BEST3: variants seen among roughly 807,000 people sequenced by gnomAD.
BEST3 encodes the protein bestrophin-3.
Under a neutral mutation model 47.1 loss-of-function variants are expected in BEST3, and 50 were observed. The ratio of observed to expected loss-of-function variants is 1.06; its 90% CI spans 0.85 to 1.34. The LOEUF (loss-of-function observed/expected upper bound fraction) is 1.34. Among genes scored for constraint, BEST3 ranks in the 40% most tolerant of loss-of-function variants. BEST3 has a pLI of 0.00. For synonymous variants in BEST3, 282 were observed against 298.8 expected, an observed-to-expected ratio of 0.94 and a Z score of 0.58; for missense variants, 765 against 817.0, an observed-to-expected ratio of 0.94 and a Z score of 0.78.
At chr12:69,648,738 C>T (rs1883117877), downstream of BEST3, among the ~76,000 whole-genome samples, 1 of 152,118 alleles carries the variant, frequency 6.6e-6, no homozygotes, top group Non-Finnish European at 1.5e-5. Context: ...TTCACCAATT[C>T]CTTGATGTTA....
chr12:69,650,878 T>C (rs1335973797), downstream of BEST3, among the ~76,000 whole-genome samples: 1 of 151,198 alleles, frequency 6.6e-6, no homozygotes, highest in Non-Finnish European at 1.5e-5. Flanking sequence ...GGGAAGCATA[T>C]GAAAGGAAAA....
chr12:69,682,109 C>G (rs1330965509), intron 4 of BEST3, among the ~76,000 whole-genome samples: 1 of 135,122 alleles, frequency 7.4e-6, no homozygotes, highest in African/African-American at 2.7e-5. Flanking sequence ...GAAGAAAATA[C>G]CAATGGCTGG....
intron 9 of BEST3, among the ~76,000 whole-genome samples, chr12:69,647,947 GA>G (rs1211189030): frequency 1.3e-5 from 2 of 152,186 alleles, no homozygotes; most frequent in African/African-American, 4.8e-5. Flanking sequence ...CAAAGAAGTT[GA>G]AAAGGCAATT....
chr12:69,649,645 A>G (rs1883148354), downstream of BEST3, among the ~76,000 whole-genome samples: 1 of 152,150 alleles, frequency 6.6e-6, no homozygotes, highest in African/African-American at 2.4e-5. Flanking sequence ...AACTTGGTAT[A>G]TTGGGCCAAA....
At chr12:69,678,914 C>G in intron 4 of BEST3, 21 bp from the exon 5 acceptor site, 1 of 1,599,704 alleles carries the variant, frequency 6.3e-7, no homozygotes, top group Non-Finnish European at 8.5e-7. Context: ...AAATAAAAAT[C>G]GGTAGGTATA....
chr12:69,667,516 G>A (rs752396917), intron 9 of BEST3, among the ~76,000 whole-genome samples: 2 of 152,074 alleles, frequency 1.3e-5, no homozygotes, highest in East Asian at 1.9e-4. Context: ...GGCTGGTCTC[G>A]AACTGCTGAC....
intron 4 of BEST3, among the ~76,000 whole-genome samples, chr12:69,682,129 C>T (rs1293315126): frequency 6.7e-6 from 1 of 149,502 alleles, no homozygotes; most frequent in Non-Finnish European, 1.5e-5. Context: ...GGTCTTATAT[C>T]CTTAGAGATT....
chr12:69,693,727 A>C lies in BEST3; in HGVS notation c.428T>G (p.Val143Gly). Residue 143 changes from valine (V) to glycine (G), a missense_variant, in exon 4 of 10, where the codon GTG becomes GGG. By Grantham distance (109) the Val-to-Gly change is moderately radical. Transcript: ENST00000330891. Reference sequence around the variant, plus strand: ...AAATCTTTTGTACACAGCAGTGCTCACCGAGCGAAAGATGAGCAGGGAGGT... The same window carrying C: ...AAATCTTTTGTACACAGCAGTGCTCCCCGAGCGAAAGATGAGCAGGGAGGT... ...NLTSLLIFRS[V>G]STAVYKRFPT... is the part of the protein sequence containing the mutation. 1 of 1,614,212 alleles carries C rather than the reference A, an allele frequency of 6.2e-7. No individual in the cohort carries two copies. The highest frequency in any genetic ancestry group is 2.2e-5 in the East Asian group (1 of 44,882).
intron 9 of BEST3, among the ~76,000 whole-genome samples, chr12:69,659,499 G>A (rs1230606555): frequency 2.6e-5 from 4 of 152,044 alleles, no homozygotes; most frequent in East Asian, 1.9e-4. Flanking sequence ...GACCGTGGGC[G>A]TGCACCACCA....
intron 7 of BEST3, among the ~76,000 whole-genome samples, chr12:69,676,527 A>G (rs1287675482): frequency 6.6e-6 from 1 of 152,176 alleles, no homozygotes; most frequent in Admixed American, 6.5e-5. Context: ...ATTCTACTAC[A>G]ATATTAATGG....
chr12:69,648,835 T>C (rs566713075), downstream of BEST3, among the ~76,000 whole-genome samples: 196 of 152,266 alleles, frequency 1.3e-3, no homozygotes, highest in African/African-American at 4.6e-3. Context: ...TGTAACTATT[T>C]TCTACAAAAA....
chr12:69,654,208 A>G lies in BEST3; in HGVS notation c.*699T>C. On this transcript the variant is annotated 3_prime_UTR_variant, in exon 10 of 10. Transcript: ENST00000330891. ...AGATTTGGCAAGAGGAAATATTATA[A>G]CCTGAAAAATGGGACAGATTACTAG... The G allele has an allele frequency of 1.0e-6, 1 of 985,254 alleles. No individual in the cohort carries two copies. The highest frequency in any genetic ancestry group is 1.2e-6 in the Non-Finnish European group (1 of 829,784). The allele number at this position is 985,254 out of a possible 1,614,324, so 61.0% of individuals were successfully genotyped here.
chr12:69,696,346 T>C (rs1369787002), intron 2 of BEST3, among the ~76,000 whole-genome samples: 2 of 152,168 alleles, frequency 1.3e-5, no homozygotes, highest in Admixed American at 6.5e-5. Flanking sequence ...TCTAGCTACA[T>C]TGCAACTGTA....
intron 1 of BEST3, among the ~76,000 whole-genome samples, chr12:69,698,366 T>C (rs1185861244): frequency 6.6e-6 from 1 of 152,212 alleles, no homozygotes; most frequent in Non-Finnish European, 1.5e-5. Context: ...TTTACAACTC[T>C]TTCTACTTGA....
rs878926560 is a variant in BEST3 at position 69,694,561 on chromosome 12, CTT to C, written c.153-99_153-98del. The C allele has an allele frequency of 1.3e-5, 7 of 541,020 alleles. No homozygotes were observed. The South Asian group carries it at 2.6e-4, about 20-fold the overall frequency. The allele number at this position is 541,020 out of a possible 1,614,324, so 33.5% of individuals were successfully genotyped here. On this transcript the variant is annotated intron_variant, in intron 2 of 9. Coordinates refer to ENST00000330891, the MANE Select transcript of BEST3 (RefSeq NM_032735.3). ...GTGCAAACAATTAAGCACAAATAAT[CTT>C]TTATTTTTGAAGGATCAATAATTTT... is the stretch of plus-strand genomic sequence containing the variant.
Position 69,693,804 on chromosome 12 carries a change from G to A in BEST3, c.351C>T (p.Ser117=), listed in dbSNP as rs779297098. The A allele has an allele frequency of 6.2e-7, 1 of 1,614,026 alleles. No individual in the cohort carries two copies. The highest frequency in any genetic ancestry group is 8.5e-7 in the Non-Finnish European group (1 of 1,180,030). Reference sequence around the variant, plus strand: ...TTCTAAGCAGGCGCCCGTGCTCGTCGCTTCCGTGAACACTGCTAGAGATGA... The same window carrying A: ...TTCTAAGCAGGCGCCCGTGCTCGTCACTTCCGTGAACACTGCTAGAGATGA... ...MFLISSSVHG[S]DEHGRLLRRT... The change falls in exon 4 of 10, where the codon AGC becomes AGT. Residue 117 remains serine, a synonymous_variant. Coordinates refer to ENST00000330891, the MANE Select transcript of BEST3 (RefSeq NM_032735.3).
At position 69,653,904 on chromosome 12, in the gene BEST3, A is replaced by T; in HGVS notation, c.*1003T>A. 1 of 985,484 alleles carries T rather than the reference A, an allele frequency of 1.0e-6. No homozygotes were observed. The highest frequency in any genetic ancestry group is 1.2e-6 in the Non-Finnish European group (1 of 829,944). 61.0% of individuals were successfully genotyped at this position (985,484 alleles called of 1,614,324 possible). ...TTTTGCATAAGAGTTCAAGTTAAACAGATGTGAGTCATCTTATTCTTTGGT... is the reference window on the plus strand; with the variant it reads ...TTTTGCATAAGAGTTCAAGTTAAACTGATGTGAGTCATCTTATTCTTTGGT... On this transcript the variant is annotated 3_prime_UTR_variant, in exon 10 of 10. Transcript: ENST00000330891.
At chr12:69,646,126 T>C (rs540598495) in intron 9 of BEST3, among the ~76,000 whole-genome samples, 86 of 152,214 alleles carry the variant, frequency 5.6e-4, no homozygotes, top group African/African-American at 1.9e-3. Context: ...TTAGTAGAGA[T>C]GGGGTTTTGC....
chr12:69,686,811 G>T (rs12309416), intron 4 of BEST3, among the ~76,000 whole-genome samples: 8 of 131,444 alleles, frequency 6.1e-5, no homozygotes, highest in Non-Finnish European at 8.6e-5. Flanking sequence ...AAAAAAGAAA[G>T]AAGGAAAATA....
Sources: allele counts gnomAD v4.1 joint callset (sites outside exome capture counted in the v4.1 genomes callset), GRCh38; gene constraint gnomAD v4.1.1; transcripts MANE v1.5; gene names NCBI Gene and HGNC (gene_info 2026-07-23, HGNC 2026-07-21).